The following CDH8 variants were observed in gnomAD, a reference collection of about 807,000 sequenced individuals.
The protein encoded by CDH8 is cadherin-8.
A neutral mutation model predicts 68.1 loss-of-function variants in CDH8; 17 were observed. The observed-to-expected ratio is 0.25, with a 90% CI of 0.17 to 0.37. The LOEUF (loss-of-function observed/expected upper bound fraction) is 0.37. Ranked by LOEUF, CDH8 falls within the 10% of genes least tolerant of loss-of-function variation. CDH8 has a pLI of 1.00. For missense variants in CDH8, 763 were observed against 999.3 expected (o/e 0.76, Z 3.19); for synonymous variants, 372 against 365.1 (o/e 1.02, Z -0.21).
At chr16:61,719,319 C>T (rs1959200555) in intron 9 of CDH8, among the ~76,000 whole-genome samples, 1 of 151,146 alleles carries the variant, frequency 6.6e-6, no homozygotes, top group Non-Finnish European at 1.5e-5. Context: ...TTCATAAATG[C>T]ATTGTAGAAC....
chr16:61,844,244 G>A (rs968572276), intron 4 of CDH8, among the ~76,000 whole-genome samples: 1 of 140,452 alleles, frequency 7.1e-6, no homozygotes, highest in African/African-American at 2.7e-5. Flanking sequence ...CATGGACACA[G>A]GAAGGGGAAC....
At chr16:61,723,700 C>T (rs1227913826) in intron 9 of CDH8, among the ~76,000 whole-genome samples, 1 of 150,664 alleles carries the variant, frequency 6.6e-6, no homozygotes, top group African/African-American at 2.4e-5. Context: ...TAAGTATTTA[C>T]TGACTGACAG....
At chr16:61,758,326 T>C (rs1486821555) in intron 8 of CDH8, among the ~76,000 whole-genome samples, 22 of 152,190 alleles carry the variant, frequency 1.4e-4, no homozygotes, top group Admixed American at 1.4e-3. Flanking sequence ...CTATATAGCT[T>C]TTTCTCAATA....
rs1051462464 is a variant in CDH8 at position 61,890,879 on chromosome 16, G to T, written c.547+10300C>A. Among the ~76,000 whole-genome samples the T allele has an allele frequency of 3.3e-5, 5 of 152,158 alleles. No homozygotes were observed. The East Asian group carries it at 9.7e-4, about 29-fold the overall frequency. ...AGTCCATAGACCAATTGTAAAAGAA[G>T]AGTGCACTGGAAACACCCAGCTTAT... On this transcript the variant is annotated intron_variant, in intron 3 of 11. Transcript: ENST00000577390.
At chr16:61,871,946 C>T (rs1213268116) in intron 3 of CDH8, among the ~76,000 whole-genome samples, 1 of 149,760 alleles carries the variant, frequency 6.7e-6, no homozygotes, top group Non-Finnish European at 1.5e-5. Flanking sequence ...GAAAACAGAG[C>T]AGTATATCCA....
chr16:61,809,842 T>C (rs1304981948), intron 7 of CDH8, among the ~76,000 whole-genome samples: 3 of 152,154 alleles, frequency 2.0e-5, no homozygotes, highest in Non-Finnish European at 4.4e-5. Flanking sequence ...GAGGGTGCAA[T>C]GCACCTTAGC....
chr16:61,761,142 A>G (rs1349485218), intron 8 of CDH8, among the ~76,000 whole-genome samples: 2 of 152,206 alleles, frequency 1.3e-5, no homozygotes, highest in African/African-American at 2.4e-5. Context: ...TTTAAAATTA[A>G]GAAGAATACC....
At chr16:61,679,733 A>C (rs570336920) in intron 10 of CDH8, among the ~76,000 whole-genome samples, 1 of 152,004 alleles carries the variant, frequency 6.6e-6, no homozygotes, top group African/African-American at 2.4e-5. Flanking sequence ...ATCAATCACA[A>C]ATCATTGGGC....
chr16:61,687,658 A>T (rs1054301800), intron 10 of CDH8, among the ~76,000 whole-genome samples: 22 of 152,084 alleles, frequency 1.4e-4, no homozygotes, highest in Middle Eastern at 6.8e-3. Flanking sequence ...CTATTAACAC[A>T]ATATTTTTAA....
chr16:61,794,297 G>C (rs369022326), intron 7 of CDH8, among the ~76,000 whole-genome samples: 1 of 151,858 alleles, frequency 6.6e-6, no homozygotes, highest in Non-Finnish European at 1.5e-5. Flanking sequence ...CAAAAAACAC[G>C]GGTCCACAGT....
intron 2 of CDH8, among the ~76,000 whole-genome samples, chr16:61,912,158 T>C (rs985468043): frequency 6.6e-6 from 1 of 152,068 alleles, no homozygotes; most frequent in South Asian, 2.1e-4. Flanking sequence ...TGAAATTCCG[T>C]ATTTATAAAA....
intron 2 of CDH8, among the ~76,000 whole-genome samples, chr16:61,912,678 G>T (rs1964180232): frequency 6.6e-6 from 1 of 152,052 alleles, no homozygotes; most frequent in Non-Finnish European, 1.5e-5. Flanking sequence ...TTGAATTACA[G>T]TGACCAGATA....
intron 2 of CDH8, among the ~76,000 whole-genome samples, chr16:61,990,743 A>G (rs945670335): frequency 6.6e-6 from 1 of 151,996 alleles, no homozygotes; most frequent in Non-Finnish European, 1.5e-5. Flanking sequence ...AGGATTGCTC[A>G]AGCCCAGGAG....
chr16:62,004,292 C>T (rs12926192), intron 2 of CDH8, among the ~76,000 whole-genome samples: 76,457 of 151,912 alleles, frequency 0.5, 20,577 homozygotes, highest in East Asian at 0.73. Context: ...ACAACACTAA[C>T]TCTCATGCAA....
At position 61,866,595 on chromosome 16, in the gene CDH8, C is replaced by T. The variant is rs1963259331; in HGVS notation, c.548-9357G>A. ...GTGTGTGTGTGTATATATATATACACATTATATAATTATAATATCAGATGT... is the reference window on the plus strand; with the variant it reads ...GTGTGTGTGTGTATATATATATACATATTATATAATTATAATATCAGATGT... On this transcript the variant is annotated intron_variant, in intron 3 of 11. Coordinates refer to ENST00000577390, the MANE Select transcript of CDH8 (RefSeq NM_001796.5). Among the ~76,000 whole-genome samples the T allele has an allele frequency of 2.0e-5, 3 of 151,888 alleles. No individual in the cohort carries two copies. The South Asian group carries it at 6.2e-4, about 32-fold the overall frequency.
intron 8 of CDH8, among the ~76,000 whole-genome samples, chr16:61,765,740 T>C (rs1434956577): frequency 6.6e-6 from 1 of 152,020 alleles, no homozygotes; most frequent in Non-Finnish European, 1.5e-5. Context: ...TTCAAATTAG[T>C]TGCTGTTCTT....
intron 8 of CDH8, among the ~76,000 whole-genome samples, chr16:61,746,460 T>C (rs1171901574): frequency 1.3e-5 from 2 of 151,864 alleles, no homozygotes; most frequent in Non-Finnish European, 2.9e-5. Flanking sequence ...CTTTAAATCA[T>C]GTTGTTCTCC....
intron 3 of CDH8, among the ~76,000 whole-genome samples, chr16:61,858,129 G>T (rs998249260): frequency 6.6e-6 from 1 of 151,608 alleles, no homozygotes; most frequent in Non-Finnish European, 1.5e-5. Context: ...CAAAAAGCTC[G>T]CAGTTCGAGG....
chr16:61,842,687 A>G (rs1962712135), intron 4 of CDH8, among the ~76,000 whole-genome samples: 1 of 152,208 alleles, frequency 6.6e-6, no homozygotes, highest in South Asian at 2.1e-4. Context: ...CTGCCTCTTC[A>G]CCTCTAAGAT....
Sources: allele counts gnomAD v4.1 joint callset (sites outside exome capture counted in the v4.1 genomes callset), GRCh38; gene constraint gnomAD v4.1.1; transcripts MANE v1.5; gene names NCBI Gene and HGNC (gene_info 2026-07-23, HGNC 2026-07-21).